Variants in P3H2 observed in about 807,000 individuals in gnomAD.
P3H2 encodes leprecan-like 1.
A neutral mutation model predicts 87.0 loss-of-function variants in P3H2; 80 were observed. The observed-to-expected ratio is 0.92, with a 90% CI of 0.77 to 1.11. P3H2 has a LOEUF of 1.11. Among genes scored for constraint, P3H2 ranks in the 50% least tolerant of loss-of-function variants. The pLI is 0.00. For missense variants in P3H2, 1,001 were observed against 923.9 expected, an observed-to-expected ratio of 1.08 and a Z score of -1.08; for synonymous variants, 367 against 359.3, an observed-to-expected ratio of 1.02 and a Z score of -0.24.
intron 1 of P3H2, among the ~76,000 whole-genome samples, chr3:190,106,712 T>C (rs1338396675): frequency 6.6e-6 from 1 of 152,204 alleles, no homozygotes; most frequent in South Asian, 2.1e-4. Flanking sequence ...AAACTCAAGC[T>C]ATGAGAAGTG....
At chr3:189,978,961 T>TA (rs1577251369) in intron 8 of P3H2, among the ~76,000 whole-genome samples, 1 of 152,152 alleles carries the variant, frequency 6.6e-6, no homozygotes, top group East Asian at 1.9e-4. Context: ...TGGCTCTGAC[T>TA]CTCTGGTTGC....
Position 189,987,628 on chromosome 3 carries a change from G to A in P3H2, c.997C>T (p.Leu333Phe). 1 of 1,614,158 alleles carries A rather than the reference G, an allele frequency of 6.2e-7. No homozygotes were observed. Among genetic ancestry groups the A allele is most frequent in the Non-Finnish European group, 8.5e-7 (1 of 1,180,040 alleles). Residue 333 changes from leucine (L) to phenylalanine (F), a missense_variant, in exon 5 of 15, where the codon CTT becomes TTT. By Grantham distance (22) the Leu-to-Phe change is conservative. Transcript: ENST00000319332. ...TCCTCATCATCTGGATGGCATAGAA[G>A]ATAGGCTTTGGCACACTCCAGGGCT... ...VKALECAKAY[L>F]LCHPDDEDVL... is the part of the protein sequence containing the mutation.
At chr3:190,014,817 G>A (rs1018343) in intron 1 of P3H2, among the ~76,000 whole-genome samples, 32,168 of 151,944 alleles carry the variant, frequency 0.21, 3,564 homozygotes, top group Non-Finnish European at 0.25. Context: ...CAGAGCCACA[G>A]AAACTTCCTT....
At chr3:190,019,719 T>G (rs1256520173) in intron 1 of P3H2, among the ~76,000 whole-genome samples, 1 of 95,142 alleles carries the variant, frequency 1.1e-5, no homozygotes, top group African/African-American at 3.2e-5. Flanking sequence ...CTTGCTTGGG[T>G]TGCCTCAAGA....
At chr3:190,115,790 A>C (rs1386378712) in intron 1 of P3H2, among the ~76,000 whole-genome samples, 1 of 152,126 alleles carries the variant, frequency 6.6e-6, no homozygotes, top group East Asian at 1.9e-4. Context: ...TTTCATATGC[A>C]TGGAACCAAG....
chr3:190,073,596 G>A (rs753375473), intron 1 of P3H2, among the ~76,000 whole-genome samples: 12 of 152,156 alleles, frequency 7.9e-5, no homozygotes, highest in Non-Finnish European at 1.6e-4. Context: ...ATTGAAGGTC[G>A]CTGACAGCAG....
At chr3:189,983,239 G>C in intron 7 of P3H2, 99 bp from the exon 8 acceptor site, 1 of 851,286 alleles carries the variant, frequency 1.2e-6, no homozygotes, top group Non-Finnish European at 1.9e-6. Context: ...TCTATATTGT[G>C]TATTTTATTG....
chr3:189,957,963 T>C lies in P3H2; in HGVS notation c.2076A>G (p.Gln692=). ...QADEVIAILD[Q]EQQGKHELNI... ...TCAGTTCATGCTTCCCTTGCTGTTC[T>C]TGATCCAGAATTGCAATCACTTCAT... Residue 692 remains glutamine (Q), a synonymous_variant, in exon 15 of 15, where the codon CAA becomes CAG. Transcript: ENST00000319332. 2 of 1,614,002 alleles carry C rather than the reference T, an allele frequency of 1.2e-6. No homozygotes were observed. Among genetic ancestry groups the C allele is most frequent in the Non-Finnish European group, 1.7e-6 (2 of 1,179,862 alleles).
intron 1 of P3H2, among the ~76,000 whole-genome samples, chr3:190,103,700 A>T (rs549166412): frequency 4.1e-4 from 62 of 152,316 alleles, no homozygotes; most frequent in Middle Eastern, 3.4e-3. Flanking sequence ...CTTGACATGA[A>T]CTATAGCACA....
At chr3:190,014,627 G>C (rs1362529824) in intron 1 of P3H2, among the ~76,000 whole-genome samples, 1 of 152,108 alleles carries the variant, frequency 6.6e-6, no homozygotes, top group African/African-American at 2.4e-5. Flanking sequence ...GTATTTGAGT[G>C]AACATAGACA....
At chr3:190,089,764 A>T (rs1309439643) in intron 1 of P3H2, among the ~76,000 whole-genome samples, 2 of 152,170 alleles carry the variant, frequency 1.3e-5, no homozygotes, top group Non-Finnish European at 2.9e-5. Context: ...ATGGAGTCAT[A>T]ATAATATGGG....
At chr3:190,076,050 T>C (rs1367264592) in intron 1 of P3H2, among the ~76,000 whole-genome samples, 1 of 152,060 alleles carries the variant, frequency 6.6e-6, no homozygotes, top group Non-Finnish European at 1.5e-5. Flanking sequence ...TTGGGCAGAT[T>C]TCATTTCGTC....
intron 10 of P3H2, among the ~76,000 whole-genome samples, chr3:189,973,584 C>A (rs909274056): frequency 1.4e-5 from 2 of 139,592 alleles, no homozygotes; most frequent in African/African-American, 2.7e-5. Context: ...AGTGCAGTGG[C>A]GCGATCTCGG....
At chr3:190,004,788 A>T (rs1409565767) in intron 1 of P3H2, among the ~76,000 whole-genome samples, 1 of 152,034 alleles carries the variant, frequency 6.6e-6, no homozygotes, top group Non-Finnish European at 1.5e-5. Context: ...CACTTGACTC[A>T]TATTTTGCCT....
intron 13 of P3H2, among the ~76,000 whole-genome samples, chr3:189,970,191 A>AATATATACATATATATAT (rs1723130867): frequency 1.9e-5 from 1 of 53,980 alleles, no homozygotes; most frequent in East Asian, 9.3e-4. Context: ...TATATATGCA[A>AATATATACATATATATAT]ATATATATAT....
intron 1 of P3H2, among the ~76,000 whole-genome samples, chr3:190,022,791 G>A (rs917343337): frequency 2.0e-5 from 3 of 151,954 alleles, no homozygotes; most frequent in South Asian, 2.1e-4. Context: ...CGAAGTTTCC[G>A]ATTAAGTAAG....
chr3:190,088,234 ATAT>A (rs1233543381), intron 1 of P3H2, among the ~76,000 whole-genome samples: 1 of 152,202 alleles, frequency 6.6e-6, no homozygotes, highest in Non-Finnish European at 1.5e-5. Context: ...AATCCCTAAA[ATAT>A]TATTTCCTCA....
At chr3:190,032,283 G>A (rs1331379515) in intron 1 of P3H2, among the ~76,000 whole-genome samples, 2 of 152,000 alleles carry the variant, frequency 1.3e-5, no homozygotes, top group Non-Finnish European at 2.9e-5. Flanking sequence ...CTGTAGGTGT[G>A]TTGTCAAAAT....
rs547450446 is a variant in P3H2, at chr3:189,986,454, T to C, written c.1188+334A>G. 3.9e-4 allele frequency among the ~76,000 whole-genome samples: 60 copies of C among 152,240 alleles called. 1 individual carries two copies. In the South Asian group the frequency reaches 7.0e-3, roughly 18 times the overall value. On this transcript the variant is annotated intron_variant, in intron 6 of 14. Transcript: ENST00000319332. Reference sequence around the variant, plus strand: ...ACAAAAAAAAATTAGCTGGGCATTGTGGCGTGTGCCTGTAATCCCAGCTAC... The same window carrying C: ...ACAAAAAAAAATTAGCTGGGCATTGCGGCGTGTGCCTGTAATCCCAGCTAC...
Sources: allele counts gnomAD v4.1 joint callset (sites outside exome capture counted in the v4.1 genomes callset), GRCh38; gene constraint gnomAD v4.1.1; transcripts MANE v1.5; gene names NCBI Gene and HGNC (gene_info 2026-07-23, HGNC 2026-07-21).